The following PHF24 variants were observed in gnomAD, a reference collection of about 807,000 sequenced individuals.
The protein encoded by PHF24 is PHD finger protein 24.
PHF24 carries 25 observed loss-of-function variants against 42.6 expected under a neutral mutation model. The ratio of observed to expected loss-of-function variants is 0.59; its 90% confidence interval spans 0.43 to 0.82. The LOEUF (loss-of-function observed/expected upper bound fraction) is 0.82. PHF24 is among the 40% of genes least tolerant of loss of function. The pLI is 0.00. For synonymous variants in PHF24, 185 were observed against 204.8 expected, an observed-to-expected ratio of 0.90 and a Z score of 0.83; for missense variants, 470 against 538.1, an observed-to-expected ratio of 0.87 and a Z score of 1.25.
chr9:34,696,500 A>AG, the PHF24 span, among the ~76,000 whole-genome samples: 1 of 151,736 alleles, frequency 6.6e-6, no homozygotes, highest in East Asian at 1.9e-4. Context: ...AAAAAAAAAA[A>AG]AAAAAAAGTT....
At chr9:34,904,452 G>T in the PHF24 span, among the ~76,000 whole-genome samples, 1 of 152,000 alleles carries the variant, frequency 6.6e-6, no homozygotes, top group Non-Finnish European at 1.5e-5. Flanking sequence ...GGATTTTGTC[G>T]AATGCTTTTT....
chr9:34,956,175 C>T (rs1246319217), upstream of PHF24, among the ~76,000 whole-genome samples: 3 of 152,080 alleles, frequency 2.0e-5, no homozygotes, highest in Admixed American at 6.5e-5. Context: ...GATTATAGTT[C>T]TTTGAGGGAA....
chr9:34,793,132 T>C, the PHF24 span, among the ~76,000 whole-genome samples: 150,123 of 152,160 alleles, frequency 0.99, 74,088 homozygotes, highest in South Asian at 1. Context: ...TATGAGATCA[T>C]GGGTATACTA....
chr9:34,905,631 G>A, the PHF24 span, among the ~76,000 whole-genome samples: 1 of 152,162 alleles, frequency 6.6e-6, no homozygotes, highest in South Asian at 2.1e-4. Flanking sequence ...TGTAGAAGAT[G>A]GCATTCAAGC....
the PHF24 span, among the ~76,000 whole-genome samples, chr9:34,882,940 A>G: frequency 1.3e-5 from 2 of 152,248 alleles, no homozygotes; most frequent in Admixed American, 1.3e-4. Context: ...AGCTGGAGGC[A>G]TCACGCTACC....
At chr9:34,765,204 T>G in the PHF24 span, among the ~76,000 whole-genome samples, 4 of 152,146 alleles carry the variant, frequency 2.6e-5, no homozygotes, top group African/African-American at 9.7e-5. Flanking sequence ...GTTCTGTAGA[T>G]GTCTATTAAG....
the PHF24 span, among the ~76,000 whole-genome samples, chr9:34,846,251 T>C: frequency 6.6e-6 from 1 of 152,198 alleles, no homozygotes; most frequent in Non-Finnish European, 1.5e-5. Context: ...CCACATCCTC[T>C]CCAGCACCTG....
chr9:34,701,675 C>CTG, the PHF24 span, among the ~76,000 whole-genome samples: 6 of 152,042 alleles, frequency 3.9e-5, no homozygotes, highest in Non-Finnish European at 8.8e-5. The surrounding 1 kb of genome is among the most constrained non-coding windows in gnomAD (Gnocchi z 5.8). Flanking sequence ...GAGGCTCGGG[C>CTG]TGTGGGTGGT....
chr9:34,810,842 T>C, the PHF24 span, among the ~76,000 whole-genome samples: 2 of 152,018 alleles, frequency 1.3e-5, no homozygotes, highest in East Asian at 1.9e-4. Flanking sequence ...TTAGTGGAGG[T>C]AGAAACTGCT....
intron 1 of PHF24, among the ~76,000 whole-genome samples, chr9:34,964,212 C>T (rs1826691430): frequency 6.6e-6 from 1 of 152,130 alleles, no homozygotes; most frequent in Non-Finnish European, 1.5e-5. Flanking sequence ...CTAGGGAAGC[C>T]CTAACCTCCA....
At chr9:34,846,060 A>T in the PHF24 span, among the ~76,000 whole-genome samples, 1 of 152,104 alleles carries the variant, frequency 6.6e-6, no homozygotes, top group Non-Finnish European at 1.5e-5. Context: ...CAATAAACAT[A>T]CGTGTGCATG....
the PHF24 span, among the ~76,000 whole-genome samples, chr9:34,804,064 G>A: frequency 1.3e-5 from 2 of 152,146 alleles, no homozygotes; most frequent in African/African-American, 4.8e-5. Context: ...CTTGGTGGAA[G>A]TAAAAGGGGC....
chr9:34,803,026 T>C, the PHF24 span, among the ~76,000 whole-genome samples: 1 of 152,172 alleles, frequency 6.6e-6, no homozygotes, highest in African/African-American at 2.4e-5. Flanking sequence ...CTTTAAACCA[T>C]ATCTCAGGGG....
the PHF24 span, among the ~76,000 whole-genome samples, chr9:34,714,857 T>C: frequency 1.3e-5 from 2 of 152,172 alleles, no homozygotes; most frequent in African/African-American, 4.8e-5. Context: ...TACCTGCCTG[T>C]CTCCCTTACC....
the PHF24 span, among the ~76,000 whole-genome samples, chr9:34,771,041 A>G: frequency 1.3e-5 from 2 of 152,150 alleles, no homozygotes; most frequent in African/African-American, 4.8e-5. Flanking sequence ...TGAAACCAGG[A>G]GGCAGAGGTT....
chr9:34,748,947 T>C, the PHF24 span, among the ~76,000 whole-genome samples: 3 of 152,040 alleles, frequency 2.0e-5, no homozygotes, highest in Admixed American at 1.3e-4. Context: ...GAAACTCAAA[T>C]AAATTCAATA....
chr9:34,887,285 A>G, the PHF24 span, among the ~76,000 whole-genome samples: 4 of 152,170 alleles, frequency 2.6e-5, no homozygotes, highest in East Asian at 7.7e-4. Context: ...TATACCCCCA[A>G]TGCTCTTATT....
the PHF24 span, among the ~76,000 whole-genome samples, chr9:34,864,718 C>T: frequency 6.6e-6 from 1 of 152,026 alleles, no homozygotes; most frequent in African/African-American, 2.4e-5. Flanking sequence ...CAAAACTCAC[C>T]AGTAATAGTA....
the PHF24 span, chr9:34,894,371 C>T: frequency 2.5e-6 from 1 of 398,304 alleles, no homozygotes; most frequent in East Asian, 3.6e-5. Context: ...TCATCTCTAC[C>T]CCAAGCCAAG....
Sources: allele counts gnomAD v4.1 joint callset (sites outside exome capture counted in the v4.1 genomes callset), GRCh38; gene constraint gnomAD v4.1.1; non-coding constraint Gnocchi (gnomAD v3.1); transcripts MANE v1.5; gene names NCBI Gene and HGNC (gene_info 2026-07-23, HGNC 2026-07-21).